STAT5B: variants seen among roughly 807,000 people sequenced by gnomAD.
STAT5B encodes the protein transcription factor STAT5B.
STAT5B carries 21 observed loss-of-function variants against 107.8 expected under a neutral mutation model. The ratio of observed to expected loss-of-function variants is 0.19; its 90% CI spans 0.14 to 0.28. The LOEUF is 0.28. Among genes scored for constraint, STAT5B ranks in the 10% least tolerant of loss-of-function variants. STAT5B has a pLI of 1.00. For synonymous variants in STAT5B, 325 were observed against 401.7 expected (o/e 0.81, Z 2.28); for missense variants, 565 against 1,008.2 (o/e 0.56, Z 5.95).
intron 1 of STAT5B, among the ~76,000 whole-genome samples, chr17:42,239,080 T>C (rs533153457): frequency 1.3e-5 from 2 of 151,572 alleles, no homozygotes; most frequent in South Asian, 2.1e-4. Context: ...AAAACCCATC[T>C]CTACTAAAAA....
At chr17:42,276,419 G>GGC (rs962776041), upstream of STAT5B, 2 of 146,488 alleles carry the variant, frequency 1.4e-5, no homozygotes, top group African/African-American at 4.9e-5. The surrounding 1 kb of genome is among the most constrained non-coding windows in gnomAD (Gnocchi z 4.8). Context: ...GGCCCGCGGG[G>GGC]GCGCGCGCGC....
At chr17:42,216,185 T>C in intron 11 of STAT5B, 79 bp from the exon 12 acceptor site, 1 of 1,244,360 alleles carries the variant, frequency 8.0e-7, no homozygotes, top group South Asian at 1.4e-5. Flanking sequence ...TTTCTTATTA[T>C]AACAACACTT....
In STAT5B at chr17:42,201,729, G is replaced by A. The variant is rs746576126; in HGVS notation, c.*9C>T. On this transcript the variant is annotated 3_prime_UTR_variant, in exon 19 of 19. Coordinates refer to ENST00000293328, the MANE Select transcript of STAT5B (RefSeq NM_012448.4). ...AGATGAAGAAGCTGAAGATGGAGAGGTCGCGGGGTCACGATTGTGCGTGCG... is the reference window on the plus strand; with the variant it reads ...AGATGAAGAAGCTGAAGATGGAGAGATCGCGGGGTCACGATTGTGCGTGCG... 2 of 1,533,464 alleles carry A rather than the reference G, an allele frequency of 1.3e-6. No individual in the cohort carries two copies. The highest frequency in any genetic ancestry group is 4.5e-5 in the East Asian group (2 of 44,500). The allele number at this position is 1,533,464 out of a possible 1,614,324, so 95.0% of individuals were successfully genotyped here.
chr17:42,216,877 CTG>C (rs2080176379), intron 11 of STAT5B, among the ~76,000 whole-genome samples: 1 of 152,044 alleles, frequency 6.6e-6, no homozygotes, highest in African/African-American at 2.4e-5. Context: ...TGGGGTTTCA[CTG>C]TGTTAGCCAG....
rs1955623626 is a variant in STAT5B, at chr17:42,223,253, T to G, written c.550+129A>C. 2.9e-6 allele frequency: 4 copies of G among 1,360,752 alleles called. No individual in the cohort carries two copies. The South Asian group carries it at 5.0e-5, about 17-fold the overall frequency. The allele number at this position is 1,360,752 out of a possible 1,614,324, so 84.3% of individuals were successfully genotyped here. A position where few individuals can be genotyped will look rare whatever the true frequency, so the allele number is the denominator to read the frequency against. ...CAGCACTGTCTTCAATGCAAATAAG[T>G]CCCTGCTACTCAGAGAAAGGTCGCT... On this transcript the variant is annotated intron_variant, in intron 5 of 18. Transcript: ENST00000293328.
At chr17:42,244,014 T>C (rs988470047) in intron 1 of STAT5B, among the ~76,000 whole-genome samples, 2 of 151,756 alleles carry the variant, frequency 1.3e-5, no homozygotes, top group Admixed American at 6.6e-5. Flanking sequence ...CCATCTGCAT[T>C]ACGGAAAAAT....
chr17:42,210,616 A>G (rs1032604378), intron 13 of STAT5B, 119 bp from the exon 14 acceptor site: 50 of 949,112 alleles, frequency 5.3e-5, no homozygotes, highest in South Asian at 1.6e-4. Flanking sequence ...AGAGGCATAC[A>G]AATATCCCCG....
At chr17:42,222,451 ACT>A (rs1218132941) in intron 5 of STAT5B, among the ~76,000 whole-genome samples, 1 of 151,970 alleles carries the variant, frequency 6.6e-6, no homozygotes, top group Non-Finnish European at 1.5e-5. Flanking sequence ...CGTTAAGTGT[ACT>A]CTGTTTCAGG....
intron 2 of STAT5B, among the ~76,000 whole-genome samples, chr17:42,228,698 G>A (rs1469495430): frequency 2.0e-5 from 3 of 152,214 alleles, no homozygotes; most frequent in Non-Finnish European, 2.9e-5. Context: ...TTGGGAGGCC[G>A]AGGCAGGCGG....
chr17:42,271,168 G>T (rs756069029), intron 1 of STAT5B: 6 of 152,230 alleles, frequency 3.9e-5, no homozygotes, highest in Non-Finnish European at 7.3e-5. Context: ...TACAAATCAT[G>T]GATGTGGCTG....
At chr17:42,271,636 T>G (rs912177660) in intron 1 of STAT5B, 2 of 152,156 alleles carry the variant, frequency 1.3e-5, no homozygotes, top group Non-Finnish European at 2.9e-5. Flanking sequence ...AGAGTGAATG[T>G]TGCAGTAGAT....
intron 12 of STAT5B, 40 bp from the exon 13 acceptor site, chr17:42,212,230 T>C (rs960461125): frequency 1.9e-6 from 3 of 1,613,960 alleles, no homozygotes; most frequent in Admixed American, 1.7e-5. Flanking sequence ...AGAAAACAGT[T>C]GCATGATTTA....
intron 3 of STAT5B, among the ~76,000 whole-genome samples, chr17:42,226,453 C>T (rs2080272751): frequency 6.6e-6 from 1 of 151,982 alleles, no homozygotes; most frequent in South Asian, 2.1e-4. Flanking sequence ...TATATCAATG[C>T]TAAATTTAGT....
rs751421142 is a variant in STAT5B at position 42,207,544 on chromosome 17, G to A, written c.2077+14C>T. On this transcript the variant is annotated intron_variant, in intron 16 of 18. Transcript: ENST00000293328. ...ACACACAACAAAATCAAATCAGAAT[G>A]CGAACATTGTTACCAGTAGCAGACT... 6.2e-7 allele frequency: 1 copy of A among 1,613,204 alleles called. No homozygotes were observed. The highest frequency in any genetic ancestry group is 1.1e-5 in the South Asian group (1 of 91,054).
rs897091741 is a variant in STAT5B, at chr17:42,248,684, T to A, written c.-10-16547A>T. Among the ~76,000 whole-genome samples the A allele has an allele frequency of 9.1e-4, 139 of 152,342 alleles. 1 individual carries two copies. Among genetic ancestry groups the A allele is most frequent in the African/African-American group, 3.1e-3 (128 of 41,576 alleles). ...CCACCTCTTAACTAACAGCTTATGCTGCAAGGCATCAGCCAGGATAACGGC... is the reference window on the plus strand; with the variant it reads ...CCACCTCTTAACTAACAGCTTATGCAGCAAGGCATCAGCCAGGATAACGGC... On this transcript the variant is annotated intron_variant, in intron 1 of 18. Transcript: ENST00000293328.
At position 42,201,742 on chromosome 17, in the gene STAT5B, G is replaced by A. The variant is rs748370281; in HGVS notation, c.2360C>T (p.Ser787Leu). The A allele has an allele frequency of 3.8e-6, 6 of 1,597,416 alleles. No homozygotes were observed. Among genetic ancestry groups the A allele is most frequent in the Admixed American group, 1.7e-5 (1 of 59,990 alleles). The change falls in exon 19 of 19, where the codon TCG (serine) becomes TTG (leucine). Residue 787 changes from serine to leucine, a missense_variant. Physicochemically the swap from Ser to Leu is moderately radical, Grantham distance 145. Around this residue, in one of 11 missense-constraint regions of STAT5B, gnomAD observed 76 missense variants for 110.2 expected, o/e 0.69. Transcript: ENST00000293328. ...GAAGATGGAGAGGTCGCGGGGTCAC[G>A]ATTGTGCGTGCGGGATCCACTGACT... The part of the protein sequence containing the change: ...MDSQWIPHAQ[S>L]
chr17:42,262,607 C>G (rs1424649963), intron 1 of STAT5B, among the ~76,000 whole-genome samples: 1 of 151,136 alleles, frequency 6.6e-6, no homozygotes, highest in Admixed American at 6.6e-5. Flanking sequence ...AGCCTAGCAG[C>G]CTTCATAGGT....
At chr17:42,249,506 T>C (rs1204897830) in intron 1 of STAT5B, among the ~76,000 whole-genome samples, 1 of 152,092 alleles carries the variant, frequency 6.6e-6, no homozygotes, top group Non-Finnish European at 1.5e-5. Context: ...ATTCTCAAAA[T>C]AAAGTCAAGT....
At chr17:42,233,411 T>A (rs970758353) in intron 1 of STAT5B, among the ~76,000 whole-genome samples, 1 of 152,094 alleles carries the variant, frequency 6.6e-6, no homozygotes, top group African/African-American at 2.4e-5. Context: ...CATTTACAAA[T>A]CTTTCAGACA....
Sources: allele counts gnomAD v4.1 joint callset (sites outside exome capture counted in the v4.1 genomes callset), GRCh38; gene constraint gnomAD v4.1.1; regional missense constraint gnomAD v4.1.1; non-coding constraint Gnocchi (gnomAD v3.1); transcripts MANE v1.5; gene names NCBI Gene and HGNC (gene_info 2026-07-23, HGNC 2026-07-21).